Variants in STEAP1 observed in about 807,000 individuals in gnomAD.
STEAP1 encodes STEAP1 protein.
A neutral mutation model predicts 34.4 loss-of-function variants in STEAP1; 30 were observed. The observed-to-expected ratio is 0.87, with a 90% CI of 0.65 to 1.18. The LOEUF (loss-of-function observed/expected upper bound fraction) is 1.18. STEAP1 is among the 50% of genes most tolerant of loss of function. The pLI is 0.00. For missense variants in STEAP1, 318 were observed against 391.1 expected, an observed-to-expected ratio of 0.81 and a Z score of 1.58; for synonymous variants, 116 against 135.3, an observed-to-expected ratio of 0.86 and a Z score of 0.99.
At chr7:90,156,352 G>A (rs767359792) in intron 1 of STEAP1, among the ~76,000 whole-genome samples, 31 of 152,120 alleles carry the variant, frequency 2.0e-4, no homozygotes, top group Admixed American at 4.6e-4. Context: ...AGGGAGCTGG[G>A]GTCTGGTGGG....
At chr7:90,156,376 A>G (rs951033666) in intron 1 of STEAP1, among the ~76,000 whole-genome samples, 4 of 152,096 alleles carry the variant, frequency 2.6e-5, no homozygotes, top group African/African-American at 9.7e-5. Context: ...TGATTGGACC[A>G]TGGGAGCAGT....
chr7:90,158,616 A>G (rs1029887840), intron 1 of STEAP1, among the ~76,000 whole-genome samples: 1 of 152,154 alleles, frequency 6.6e-6, no homozygotes, highest in Non-Finnish European at 1.5e-5. Flanking sequence ...GCCATCTTCT[A>G]TGATAACAAT....
intron 1 of STEAP1, among the ~76,000 whole-genome samples, chr7:90,158,519 AG>A (rs768019062): frequency 6.6e-6 from 1 of 151,700 alleles, no homozygotes; most frequent in Non-Finnish European, 1.5e-5. Context: ...AGGCCTACCC[AG>A]GGTCAGGATC....
rs551158305 is a variant in STEAP1, at chr7:90,160,280, C to T, written c.84+408C>T. Among the ~76,000 whole-genome samples the T allele has an allele frequency of 2.4e-4, 36 of 151,996 alleles. No homozygotes were observed. The East Asian group carries it at 4.8e-3, about 20-fold the overall frequency. On this transcript the variant is annotated intron_variant, in intron 2 of 4. Coordinates refer to ENST00000297205, the MANE Select transcript of STEAP1 (RefSeq NM_012449.3). ...ATTTTTGTCATAGACACAGTGGCAGCTTACCAAGAGATCAGTAAATTGACG... is the reference window on the plus strand; with the variant it reads ...ATTTTTGTCATAGACACAGTGGCAGTTTACCAAGAGATCAGTAAATTGACG...
intron 4 of STEAP1, 22 bp downstream of exon 4, chr7:90,162,100 C>A: frequency 5.1e-6 from 8 of 1,566,578 alleles, no homozygotes; most frequent in Non-Finnish European, 6.9e-6. Context: ...ATAAAATAAC[C>A]CTAAGAGGTA....
Position 90,161,972 on chromosome 7 carries a change from A to G in STEAP1, c.656A>G (p.Tyr219Cys). 6.2e-7 allele frequency: 1 copy of G among 1,613,818 alleles called. No individual in the cohort carries two copies. The highest frequency in any genetic ancestry group is 8.5e-7 in the Non-Finnish European group (1 of 1,179,800). ...CATGATGTTTGGAGAATGGAGATTT[A>G]TGTGTCTCTGGGAATTGTGGGATTG... ...IEHDVWRMEI[Y>C]VSLGIVGLAI... is the part of the protein sequence containing the mutation. Residue 219 changes from tyrosine to cysteine, a missense_variant, in exon 4 of 5, where the codon TAT becomes TGT. Coordinates refer to ENST00000297205, the MANE Select transcript of STEAP1 (RefSeq NM_012449.3).
At chr7:90,158,499 A>C (rs1310976107) in intron 1 of STEAP1, among the ~76,000 whole-genome samples, 3 of 151,788 alleles carry the variant, frequency 2.0e-5, no homozygotes, top group Non-Finnish European at 4.4e-5. Context: ...ACAAACACAC[A>C]CATTAGCCCA....
intron 1 of STEAP1, among the ~76,000 whole-genome samples, chr7:90,156,156 G>A (rs1584191551): frequency 6.6e-6 from 1 of 152,132 alleles, no homozygotes; most frequent in Non-Finnish European, 1.5e-5. Flanking sequence ...GCATCCTTAC[G>A]ATACTGCAAC....
At position 90,164,813 on chromosome 7, in the gene STEAP1, A is replaced by G. The variant is rs1794234585; in HGVS notation, c.*79A>G. The G allele has an allele frequency of 1.5e-6, 2 of 1,350,730 alleles. No homozygotes were observed. Among genetic ancestry groups the G allele is most frequent in the African/African-American group, 2.9e-5 (2 of 67,964 alleles). 83.7% of individuals were successfully genotyped at this position (1,350,730 alleles called of 1,614,324 possible). On this transcript the variant is annotated 3_prime_UTR_variant, in exon 5 of 5. Coordinates refer to ENST00000297205, the MANE Select transcript of STEAP1 (RefSeq NM_012449.3). ...TTTCAAGTTTGTATTTGTTAATAAAATGATTATTCAAGGATCTTGATGTTT... is the reference window on the plus strand; with the variant it reads ...TTTCAAGTTTGTATTTGTTAATAAAGTGATTATTCAAGGATCTTGATGTTT...
intron 1 of STEAP1, among the ~76,000 whole-genome samples, chr7:90,159,370 T>C (rs1380493722): frequency 2.0e-5 from 3 of 152,224 alleles, no homozygotes; most frequent in African/African-American, 7.2e-5. Context: ...CCAGCCTCCA[T>C]TGATGACATT....
chr7:90,157,822 G>C (rs1490118115), intron 1 of STEAP1, among the ~76,000 whole-genome samples: 1 of 152,186 alleles, frequency 6.6e-6, no homozygotes, highest in African/African-American at 2.4e-5. Context: ...AATGTTTTAA[G>C]AACAGTCATG....
intron 1 of STEAP1, among the ~76,000 whole-genome samples, chr7:90,155,457 G>C (rs1794106565): frequency 6.6e-6 from 1 of 152,150 alleles, no homozygotes; most frequent in African/African-American, 2.4e-5. Flanking sequence ...CAGCCATCCT[G>C]GTACAGCAAA....
At chr7:90,159,960 A>T (rs1365167129) in intron 2 of STEAP1, 88 bp downstream of exon 2, 1 of 971,360 alleles carries the variant, frequency 1.0e-6, no homozygotes, top group African/African-American at 1.7e-5. Context: ...AGTGTTATGA[A>T]AGTGATTTTT....
At chr7:90,159,929 A>C in intron 2 of STEAP1, 57 bp downstream of exon 2, 1 of 1,226,440 alleles carries the variant, frequency 8.2e-7, no homozygotes, top group Non-Finnish European at 1.1e-6. Context: ...AACATAATTC[A>C]GATGCCATTC....
At chr7:90,157,732 G>T (rs1343119621) in intron 1 of STEAP1, among the ~76,000 whole-genome samples, 1 of 152,224 alleles carries the variant, frequency 6.6e-6, no homozygotes, top group East Asian at 1.9e-4. Flanking sequence ...TATTCCAAGA[G>T]TACCTCAACA....
intron 2 of STEAP1, among the ~76,000 whole-genome samples, chr7:90,160,331 A>G (rs1794167107): frequency 6.6e-6 from 1 of 152,200 alleles, no homozygotes; most frequent in African/African-American, 2.4e-5. Context: ...AAATAAATCT[A>G]CTTTTGGATA....
intron 2 of STEAP1, 150 bp from the exon 3 acceptor site, chr7:90,160,655 A>C: frequency 8.1e-7 from 1 of 1,230,070 alleles, no homozygotes; most frequent in Non-Finnish European, 1.1e-6. Flanking sequence ...CACATAGACT[A>C]TGCTATCTTC....
chr7:90,156,312 A>G (rs1794118222), intron 1 of STEAP1, among the ~76,000 whole-genome samples: 1 of 151,932 alleles, frequency 6.6e-6, no homozygotes, highest in Non-Finnish European at 1.5e-5. Context: ...TCTCTCCCTC[A>G]GATCTCATGT....
intron 4 of STEAP1, among the ~76,000 whole-genome samples, chr7:90,164,154 G>A (rs534296395): frequency 6.6e-6 from 1 of 152,222 alleles, no homozygotes; most frequent in East Asian, 1.9e-4. Context: ...AAATACACAA[G>A]AGACAAAGCA....
Sources: allele counts gnomAD v4.1 joint callset (sites outside exome capture counted in the v4.1 genomes callset), GRCh38; gene constraint gnomAD v4.1.1; transcripts MANE v1.5; gene names NCBI Gene and HGNC (gene_info 2026-07-23, HGNC 2026-07-21).